The following TNIK variants were observed in gnomAD, a reference collection of about 807,000 sequenced individuals.
The protein encoded by TNIK is TRAF2 and NCK-interacting protein kinase.
In TNIK, 49 loss-of-function variants were observed where a neutral mutation model predicts 191.3. The ratio of observed to expected loss-of-function variants is 0.26; its 90% confidence interval spans 0.20 to 0.32. The LOEUF is 0.32. Ranked by LOEUF, TNIK falls within the 10% of genes least tolerant of loss-of-function variation. TNIK has a pLI of 1.00. For missense variants in TNIK, 1,155 were observed against 1,702.3 expected (o/e 0.68, Z 5.66); for synonymous variants, 594 against 600.9 (o/e 0.99, Z 0.17).
chr3:171,149,467 T>C (rs1218912517), intron 12 of TNIK, among the ~76,000 whole-genome samples: 1 of 152,180 alleles, frequency 6.6e-6, no homozygotes, highest in Non-Finnish European at 1.5e-5. Context: ...AAAATAGGGA[T>C]GTCAGCCCAA....
rs891667132 is a variant in TNIK, at chr3:171,433,089, G to C, written c.57+26918C>G. Among the ~76,000 whole-genome samples, 5 of 152,024 alleles carry C rather than the reference G, an allele frequency of 3.3e-5. No homozygotes were observed. The South Asian group carries it at 8.3e-4, about 25-fold the overall frequency. ...TAACTTGACTCTTTTTTATGTAATG[G>C]GGACATTAAAGGATTCCTTTTTTAA... is the stretch of plus-strand genomic sequence containing the variant. On this transcript the variant is annotated intron_variant, in intron 1 of 32. Coordinates refer to ENST00000436636, the MANE Select transcript of TNIK (RefSeq NM_015028.4).
chr3:171,347,107 T>C, intron 2 of TNIK: 1 of 1,502,120 alleles, frequency 6.7e-7, no homozygotes, highest in Non-Finnish European at 8.8e-7. Context: ...AGGAACCATT[T>C]AGGAAATAGG....
chr3:171,253,058 C>T (rs978860447), intron 2 of TNIK, among the ~76,000 whole-genome samples: 4 of 151,442 alleles, frequency 2.6e-5, no homozygotes, highest in Admixed American at 2.0e-4. Context: ...GAGTGGATCA[C>T]GAGGTCAGGA....
At chr3:171,077,093 A>G (rs377225553) in intron 28 of TNIK, among the ~76,000 whole-genome samples, 9 of 88,792 alleles carry the variant, frequency 1.0e-4, no homozygotes, top group South Asian at 4.1e-4. Context: ...TTTTTTTTAT[A>G]CTTGTTTTCT....
intron 1 of TNIK, among the ~76,000 whole-genome samples, chr3:171,400,590 A>G (rs796985563): frequency 5.9e-4 from 90 of 152,126 alleles, no homozygotes; most frequent in African/African-American, 2.1e-3. Context: ...AAATAAATAA[A>G]TAAATAAAGT....
chr3:171,431,223 G>C (rs1335573087), intron 1 of TNIK, among the ~76,000 whole-genome samples: 1 of 152,058 alleles, frequency 6.6e-6, no homozygotes, highest in Non-Finnish European at 1.5e-5. Flanking sequence ...TCTTGGAATA[G>C]TATAATATGC....
chr3:171,101,476 A>T lies in TNIK; in HGVS notation c.2564T>A (p.Val855Glu). ...CAGTCTGGGTATGTCGCTGACAGCC[A>T]CTGTCCCATCATGGGTCTCGCTCTC... is the stretch of plus-strand genomic sequence containing the variant. ...DGESETHDGT[V>E]AVSDIPRLIP... The change falls in exon 22 of 33, where the codon GTG becomes GAG. Residue 855 changes from valine to glutamate, a missense_variant. Coordinates refer to ENST00000436636, the MANE Select transcript of TNIK (RefSeq NM_015028.4). The T allele has an allele frequency of 6.2e-7, 1 of 1,612,926 alleles. No homozygotes were observed. The highest frequency in any genetic ancestry group is 1.1e-5 in the South Asian group (1 of 90,946).
chr3:171,264,089 CACACACACACACACACACACACATAT>C (rs1474308335), intron 2 of TNIK, among the ~76,000 whole-genome samples: 42 of 98,878 alleles, frequency 4.2e-4, no homozygotes, highest in African/African-American at 1.2e-3. Context: ...CACACACACA[CACACACACACACACACACACACATAT>C]ATATATATAT....
intron 2 of TNIK, among the ~76,000 whole-genome samples, chr3:171,358,034 C>T (rs564533365): frequency 1.3e-5 from 2 of 152,142 alleles, no homozygotes; most frequent in African/African-American, 2.4e-5. Flanking sequence ...GGCAAAGGGA[C>T]GGCTCCATGA....
intron 1 of TNIK, among the ~76,000 whole-genome samples, chr3:171,444,781 T>TGAAAAA (rs1727275407): frequency 6.6e-6 from 1 of 152,220 alleles, no homozygotes; most frequent in African/African-American, 2.4e-5. Flanking sequence ...ATATGCCTTA[T>TGAAAAA]GAAAAAGTTG....
intron 21 of TNIK, among the ~76,000 whole-genome samples, chr3:171,104,375 G>A (rs1318128114): frequency 1.3e-5 from 2 of 151,014 alleles, no homozygotes; most frequent in Non-Finnish European, 3.0e-5. Flanking sequence ...AGCCTTCTTG[G>A]TAATTTATTA....
At chr3:171,135,820 C>T (rs563699659) in intron 15 of TNIK, among the ~76,000 whole-genome samples, 2 of 152,198 alleles carry the variant, frequency 1.3e-5, no homozygotes, top group East Asian at 1.9e-4. Context: ...AGGAGCCTGA[C>T]CAGGAAGCAT....
At chr3:171,209,101 G>A (rs550349535) in intron 4 of TNIK, among the ~76,000 whole-genome samples, 50 of 151,280 alleles carry the variant, frequency 3.3e-4, no homozygotes, top group African/African-American at 1.2e-3. Flanking sequence ...GTGTGTGTAT[G>A]CCAACTGCCC....
intron 7 of TNIK, among the ~76,000 whole-genome samples, chr3:171,184,077 T>C (rs932448089): frequency 6.6e-5 from 10 of 152,102 alleles, no homozygotes; most frequent in Non-Finnish European, 1.3e-4. Flanking sequence ...ATTCTCACTT[T>C]ATTCTATTAT....
At chr3:171,173,023 T>G (rs1483327226) in intron 9 of TNIK, among the ~76,000 whole-genome samples, 1 of 152,110 alleles carries the variant, frequency 6.6e-6, no homozygotes, top group Non-Finnish European at 1.5e-5. Flanking sequence ...GCAAGGGCTG[T>G]TCACTCACTT....
chr3:171,403,401 G>T (rs1721203039), intron 1 of TNIK, among the ~76,000 whole-genome samples: 1 of 151,996 alleles, frequency 6.6e-6, no homozygotes, highest in Non-Finnish European at 1.5e-5. Flanking sequence ...GATTACCTGA[G>T]ATCAGAAGTT....
At position 171,061,354 on chromosome 3, in the gene TNIK, TG is replaced by T. The variant is rs1221440838; in HGVS notation, c.*2526del. On this transcript the variant is annotated 3_prime_UTR_variant, in exon 33 of 33. Coordinates refer to ENST00000436636, the MANE Select transcript of TNIK (RefSeq NM_015028.4). The stretch of plus-strand genomic sequence containing the variant: ...AAGGCATGGCTTGATGTTTAACGTG[TG>T]TTTTATTGTTGTTGGCACCAGAAAA... 1.3e-5 allele frequency: 2 copies of T among 152,240 alleles called. No homozygotes were observed. The highest frequency in any genetic ancestry group is 1.5e-5 in the Non-Finnish European group (1 of 68,040). 9.4% of individuals were successfully genotyped at this position (152,240 alleles called of 1,614,324 possible). A position where few individuals can be genotyped will look rare whatever the true frequency, so the allele number is the denominator to read the frequency against.
chr3:171,257,240 A>C (rs1250718172), intron 2 of TNIK, among the ~76,000 whole-genome samples: 6 of 152,210 alleles, frequency 3.9e-5, no homozygotes, highest in African/African-American at 1.4e-4. Context: ...TAGAACTGGG[A>C]ATTCATTTTC....
intron 2 of TNIK, among the ~76,000 whole-genome samples, chr3:171,307,066 T>C (rs1290660217): frequency 1.3e-5 from 2 of 152,170 alleles, no homozygotes; most frequent in Non-Finnish European, 2.9e-5. Flanking sequence ...CAGAGGTTGA[T>C]AGTAAAAAGG....
Sources: gnomAD v4.1 joint callset for allele counts (sites outside exome capture counted in the v4.1 genomes callset) on GRCh38, gnomAD v4.1.1 for gene constraint, MANE v1.5 for transcripts, NCBI Gene and HGNC (gene_info 2026-07-23, HGNC 2026-07-21) for gene names.